MAPKAP1: variants seen among roughly 807,000 people sequenced by gnomAD.
The protein encoded by MAPKAP1 is target of rapamycin complex 2 subunit MAPKAP1.
Under a neutral mutation model 65.7 loss-of-function variants are expected in MAPKAP1, and 20 were observed. The ratio of observed to expected loss-of-function variants is 0.30; its 90% CI spans 0.21 to 0.44. MAPKAP1 has a LOEUF of 0.44. MAPKAP1 is among the 20% of genes least tolerant of loss of function. The pLI is 1.00. For missense variants in MAPKAP1, 423 were observed against 648.0 expected (o/e 0.65, Z 3.77); for synonymous variants, 222 against 244.3 (o/e 0.91, Z 0.85).
Position 125,657,639 on chromosome 9 carries a change from A to G in MAPKAP1, c.498+12T>C. Reference sequence around the variant, plus strand: ...GTTTTACTTAAAGGGACAAAGTCTCATTTTTACTTACCTTGCCATCAAATT... The same window carrying G: ...GTTTTACTTAAAGGGACAAAGTCTCGTTTTTACTTACCTTGCCATCAAATT... On this transcript the variant is annotated intron_variant, in intron 4 of 11. Transcript: ENST00000265960. 1 of 1,597,336 alleles carries G rather than the reference A, an allele frequency of 6.3e-7. No individual in the cohort carries two copies.
chr9:125,532,846 C>T (rs1481427680), intron 7 of MAPKAP1, among the ~76,000 whole-genome samples: 2 of 152,090 alleles, frequency 1.3e-5, no homozygotes, highest in Non-Finnish European at 2.9e-5. Flanking sequence ...TGTACATGTA[C>T]CAGACTAAAG....
At chr9:125,614,778 C>T (rs955768417) in intron 4 of MAPKAP1, among the ~76,000 whole-genome samples, 2 of 152,078 alleles carry the variant, frequency 1.3e-5, no homozygotes, top group Non-Finnish European at 2.9e-5. Context: ...ACAGAAAGGA[C>T]TTTTATTAAC....
chr9:125,460,274 A>C (rs1404825735), intron 10 of MAPKAP1, among the ~76,000 whole-genome samples: 1 of 152,212 alleles, frequency 6.6e-6, no homozygotes, highest in East Asian at 1.9e-4. Context: ...AATTAAGTGA[A>C]AACTTAATAG....
intron 7 of MAPKAP1, among the ~76,000 whole-genome samples, chr9:125,520,229 A>C (rs1000362124): frequency 6.6e-6 from 1 of 152,200 alleles, no homozygotes; most frequent in African/African-American, 2.4e-5. Flanking sequence ...AAAACGTGTA[A>C]GTAGAAAGGA....
intron 4 of MAPKAP1, among the ~76,000 whole-genome samples, chr9:125,617,112 A>T (rs1832768033): frequency 6.6e-6 from 1 of 152,248 alleles, no homozygotes; most frequent in Non-Finnish European, 1.5e-5. Context: ...TGCATAGATC[A>T]AAACTTTCAT....
At chr9:125,605,513 C>T (rs1832415288) in intron 4 of MAPKAP1, among the ~76,000 whole-genome samples, 1 of 152,204 alleles carries the variant, frequency 6.6e-6, no homozygotes, top group African/African-American at 2.4e-5. Flanking sequence ...AATCATCCCT[C>T]TAGTCTAAAA....
intron 5 of MAPKAP1, among the ~76,000 whole-genome samples, chr9:125,583,265 C>T (rs1351974194): frequency 1.3e-5 from 2 of 152,204 alleles, no homozygotes; most frequent in African/African-American, 2.4e-5. Context: ...TTTCCTACTG[C>T]TCCCTCAGGT....
chr9:125,443,350 C>T (rs887811236), intron 11 of MAPKAP1, among the ~76,000 whole-genome samples: 3 of 152,134 alleles, frequency 2.0e-5, no homozygotes, highest in Non-Finnish European at 4.4e-5. Flanking sequence ...ATGTGACTAG[C>T]CAGGGTCACA....
At chr9:125,580,590 C>T (rs1283479676) in intron 5 of MAPKAP1, among the ~76,000 whole-genome samples, 2 of 151,262 alleles carry the variant, frequency 1.3e-5, no homozygotes, top group East Asian at 1.9e-4. Context: ...TTGTAAATGA[C>T]GAGTTAATGG....
In MAPKAP1 at chr9:125,707,138, C is replaced by T; in HGVS notation, c.-237G>A. 2.5e-6 allele frequency: 1 copy of T among 398,280 alleles called. No homozygotes were observed. 24.7% of individuals were successfully genotyped at this position (398,280 alleles called of 1,614,324 possible). A position where few individuals can be genotyped will look rare whatever the true frequency, so the allele number is the denominator to read the frequency against. On this transcript the variant is annotated 5_prime_UTR_variant, in exon 1 of 12. Transcript: ENST00000265960. ...CTCAGCTGCCGCTTCCCGGGTTAGCCCTCATGCCCCTGCTGCTCGCCGCCG... is the reference window on the plus strand; with the variant it reads ...CTCAGCTGCCGCTTCCCGGGTTAGCTCTCATGCCCCTGCTGCTCGCCGCCG...
chr9:125,560,611 GA>G (rs1297086020), intron 5 of MAPKAP1, among the ~76,000 whole-genome samples: 1 of 152,066 alleles, frequency 6.6e-6, no homozygotes, highest in African/African-American at 2.4e-5. Flanking sequence ...AATTAAAAAA[GA>G]AAATATTTGT....
chr9:125,455,297 CA>C (rs112467399), intron 10 of MAPKAP1, among the ~76,000 whole-genome samples: 2,415 of 152,296 alleles, frequency 0.016, 20 homozygotes, highest in South Asian at 0.042. Context: ...AGTGTAGACA[CA>C]ACCTCACAGA....
At chr9:125,610,149 T>A (rs768556731) in intron 4 of MAPKAP1, among the ~76,000 whole-genome samples, 2 of 152,220 alleles carry the variant, frequency 1.3e-5, no homozygotes, top group Non-Finnish European at 2.9e-5. Context: ...AACATTTGCA[T>A]GAAATAAAGA....
intron 7 of MAPKAP1, among the ~76,000 whole-genome samples, chr9:125,538,506 C>T (rs936818414): frequency 1.3e-5 from 2 of 151,358 alleles, no homozygotes; most frequent in Admixed American, 1.3e-4. Flanking sequence ...CTTTATCTCC[C>T]TTAAAGGGTC....
intron 5 of MAPKAP1, among the ~76,000 whole-genome samples, chr9:125,561,669 CATGGCT>C (rs1237601122): frequency 1.3e-5 from 2 of 152,154 alleles, no homozygotes; most frequent in Non-Finnish European, 2.9e-5. Flanking sequence ...CTCCATGGCT[CATGGCT>C]ATGTGATTTC....
chr9:125,504,719 G>GA lies in MAPKAP1; in HGVS notation c.1066+1590dup, dbSNP rs577096059. Among the ~76,000 whole-genome samples the GA allele has an allele frequency of 3.0e-3, 450 of 152,240 alleles. 2 individuals are homozygous for GA. The highest frequency in any genetic ancestry group is 5.3e-3 in the Non-Finnish European group (362 of 68,002). On this transcript the variant is annotated intron_variant, in intron 8 of 11. Transcript: ENST00000265960. ...GACACATGAGAATTGCTTGAACCCA[G>GA]AAAGTGTAGGTTGCAGTGAGCCTAG...
At chr9:125,477,439 G>T (rs981890755) in intron 9 of MAPKAP1, among the ~76,000 whole-genome samples, 7 of 152,196 alleles carry the variant, frequency 4.6e-5, no homozygotes, top group African/African-American at 1.7e-4. Flanking sequence ...TTTCAATACT[G>T]TGAGTTTGTG....
chr9:125,705,483 C>G (rs1454501574), intron 1 of MAPKAP1, among the ~76,000 whole-genome samples: 5 of 152,230 alleles, frequency 3.3e-5, no homozygotes, highest in African/African-American at 1.2e-4. Context: ...GTCACAAGAA[C>G]TCTCACACAA....
intron 9 of MAPKAP1, among the ~76,000 whole-genome samples, chr9:125,478,897 G>A (rs1854203672): frequency 6.6e-6 from 1 of 152,136 alleles, no homozygotes; most frequent in South Asian, 2.1e-4. Context: ...GATTAGATGA[G>A]GTTATCAGGG....
Sources: allele counts gnomAD v4.1 joint callset (sites outside exome capture counted in the v4.1 genomes callset), GRCh38; gene constraint gnomAD v4.1.1; transcripts MANE v1.5; gene names NCBI Gene and HGNC (gene_info 2026-07-23, HGNC 2026-07-21).